TXN: variants seen among roughly 807,000 people sequenced by gnomAD.
The protein encoded by TXN is ADF.
A neutral mutation model predicts 16.5 loss-of-function variants in TXN; 10 were observed. The observed-to-expected ratio is 0.61, with a 90% CI of 0.37 to 1.03. TXN has a LOEUF of 1.03. Among genes scored for constraint, TXN ranks in the 50% least tolerant of loss-of-function variants. The pLI, the probability that TXN is intolerant of heterozygous loss-of-function variation, is 0.01. For missense variants in TXN, 71 were observed against 122.5 expected (o/e 0.58, Z 1.98); for synonymous variants, 35 against 39.4 (o/e 0.89, Z 0.42).
At chr9:110,255,724 C>T (rs1460835087) in intron 1 of TXN, among the ~76,000 whole-genome samples, 1 of 152,222 alleles carries the variant, frequency 6.6e-6, no homozygotes, top group Non-Finnish European at 1.5e-5. Context: ...GCCTCCTGGA[C>T]AGACCTGCAC....
rs1459405689 is a variant in TXN at position 110,246,074 on chromosome 9, TAA to T, written c.190-1233_190-1232del. On this transcript the variant is annotated intron_variant, in intron 3 of 4. Transcript: ENST00000374517. Reference sequence around the variant, plus strand: ...AATGAGACTATCTCGGGAGGAAAAATAAAAAGACTTTGTGAATTCTCAAACCT... The same window carrying T: ...AATGAGACTATCTCGGGAGGAAAAATAAAGACTTTGTGAATTCTCAAACCT... Among the ~76,000 whole-genome samples, 6 of 147,160 alleles carry T rather than the reference TAA, an allele frequency of 4.1e-5. No individual in the cohort carries two copies. In the South Asian group the frequency reaches 1.1e-3, roughly 27 times the overall value.
At chr9:110,245,618 C>CACACACACAA (rs1425530609) in intron 3 of TXN, among the ~76,000 whole-genome samples, 1 of 30,888 alleles carries the variant, frequency 3.2e-5, no homozygotes, top group Admixed American at 7.3e-4. Context: ...CACACACACA[C>CACACACACAA]TATATATATA....
At chr9:110,244,299 T>TATATATATACATATACATATG (rs1837618177) in intron 4 of TXN, 80 bp from the exon 5 acceptor site, 12 of 367,470 alleles carry the variant, frequency 3.3e-5, no homozygotes, top group East Asian at 3.2e-4. Context: ...AAATATGTAT[T>TATATATATACATATACATATG]TATATATATA....
chr9:110,244,298 T>TG (rs1564366815), intron 4 of TXN, 79 bp from the exon 5 acceptor site: 19 of 500,706 alleles, frequency 3.8e-5, no homozygotes, highest in East Asian at 2.5e-4. Flanking sequence ...TAAATATGTA[T>TG]TTATATATAT....
chr9:110,244,775 T>C lies in TXN; in HGVS notation c.255+3A>G, dbSNP rs1212803337. The stretch of plus-strand genomic sequence containing the variant: ...TAGAGTTTTAAAGGTCAGATGTACG[T>C]ACCTTTTGTCCCTTCTTAAAAAACT... On this transcript the variant is annotated splice_donor_region_variant and intron_variant, in intron 4 of 4. Transcript: ENST00000374517. 1 of 1,611,284 alleles carries C rather than the reference T, an allele frequency of 6.2e-7. No individual in the cohort carries two copies. Among genetic ancestry groups the C allele is most frequent in the African/African-American group, 1.3e-5 (1 of 74,880 alleles).
At chr9:110,248,814 T>C (rs1366268526) in intron 3 of TXN, among the ~76,000 whole-genome samples, 2 of 152,188 alleles carry the variant, frequency 1.3e-5, no homozygotes, top group South Asian at 4.2e-4. Flanking sequence ...ATCTGGCACC[T>C]ATTATTGCTT....
At chr9:110,251,901 A>C (rs1837743147) in intron 1 of TXN, among the ~76,000 whole-genome samples, 1 of 152,176 alleles carries the variant, frequency 6.6e-6, no homozygotes, top group East Asian at 1.9e-4. Flanking sequence ...AAGGCATAGG[A>C]TTTTGCAATT....
At chr9:110,255,998 C>T (rs1837804369) in intron 1 of TXN, among the ~76,000 whole-genome samples, 1 of 152,232 alleles carries the variant, frequency 6.6e-6, no homozygotes, top group South Asian at 2.1e-4. Context: ...GGGCGGACCC[C>T]TTCCATTCCC....
At chr9:110,252,143 G>T (rs1006092577) in intron 1 of TXN, among the ~76,000 whole-genome samples, 1 of 148,174 alleles carries the variant, frequency 6.7e-6, no homozygotes, top group Non-Finnish European at 1.5e-5. Flanking sequence ...AGAATAGCTT[G>T]AACTCAGGAG....
At chr9:110,249,296 TAC>T (rs1334072203) in intron 3 of TXN, among the ~76,000 whole-genome samples, 3 of 135,480 alleles carry the variant, frequency 2.2e-5, no homozygotes, top group Non-Finnish European at 1.6e-5. Flanking sequence ...AAAATGCAAT[TAC>T]ACTCTTTTTA....
chr9:110,252,342 A>C (rs559343920), intron 1 of TXN, among the ~76,000 whole-genome samples: 1 of 152,068 alleles, frequency 6.6e-6, no homozygotes, highest in Admixed American at 6.6e-5. Context: ...CCCAAACCTC[A>C]ACACTCAGAC....
rs1482542767 is a variant in TXN, at chr9:110,256,215, C to T, written c.24+197G>A. Among the ~76,000 whole-genome samples the T allele has an allele frequency of 6.6e-6, 1 of 152,072 alleles. No individual in the cohort carries two copies. The highest frequency in any genetic ancestry group is 1.5e-5 in the Non-Finnish European group (1 of 67,988). On this transcript the variant is annotated intron_variant, in intron 1 of 4. Coordinates refer to ENST00000374517, the MANE Select transcript of TXN (RefSeq NM_003329.4). This position sits in a 1 kb window ranked among gnomAD's most constrained non-coding sequence, Gnocchi z 4.2. ...TTCTCCTCCCTTCCTCCAGGGCAGG[C>T]TCCACCGCCTCGGGCGCGCCCAGGC...
At chr9:110,245,652 A>ATTTTTTTTT (rs1277293432) in intron 3 of TXN, among the ~76,000 whole-genome samples, 1 of 23,674 alleles carries the variant, frequency 4.2e-5, no homozygotes, top group African/African-American at 2.0e-4. Flanking sequence ...ATATATATAT[A>ATTTTTTTTT]TATTTTTTTT....
intron 1 of TXN, among the ~76,000 whole-genome samples, chr9:110,255,874 C>T (rs796561647): frequency 1.2e-4 from 18 of 152,322 alleles, no homozygotes; most frequent in African/African-American, 4.1e-4. Context: ...ACCCCCGCTG[C>T]GGGTGGATCA....
rs545602239 is a variant in TXN at position 110,256,311 on chromosome 9, G to GCACCTCCCGCCACCGCCTTCCC, written c.24+79_24+100dup. ...CTGGCGATGCGGAGGGGCGGCCTCC[G>GCACCTCCCGCCACCGCCTTCCC]CACCTCCCGCCACCGCCTTCCCCAC... is the stretch of plus-strand genomic sequence containing the variant. On this transcript the variant is annotated intron_variant, in intron 1 of 4. Coordinates refer to ENST00000374517, the MANE Select transcript of TXN (RefSeq NM_003329.4). The surrounding 1 kb of genome is among the most constrained non-coding windows in gnomAD (Gnocchi z 4.2). 40 of 1,233,518 alleles carry GCACCTCCCGCCACCGCCTTCCC rather than the reference G, an allele frequency of 3.2e-5. No individual in the cohort carries two copies. Among genetic ancestry groups the GCACCTCCCGCCACCGCCTTCCC allele is most frequent in the South Asian group, 1.4e-4 (11 of 77,978 alleles). The allele number at this position is 1,233,518 out of a possible 1,614,324, so 76.4% of individuals were successfully genotyped here.
At chr9:110,254,017 A>G (rs1240634149) in intron 1 of TXN, among the ~76,000 whole-genome samples, 2 of 152,174 alleles carry the variant, frequency 1.3e-5, no homozygotes, top group Non-Finnish European at 2.9e-5. Flanking sequence ...TGCCTTGTAG[A>G]TGGGAGTTCA....
intron 3 of TXN, among the ~76,000 whole-genome samples, chr9:110,245,618 CTATATATATATATATATATATATA>C (rs1170640168): frequency 3.2e-5 from 1 of 30,890 alleles, no homozygotes; most frequent in African/African-American, 1.4e-4. Flanking sequence ...CACACACACA[CTATATATATATATATATATATATA>C]TATATATATA....
chr9:110,245,940 C>G (rs1302859765), intron 3 of TXN, among the ~76,000 whole-genome samples: 1 of 152,020 alleles, frequency 6.6e-6, no homozygotes, highest in Non-Finnish European at 1.5e-5. Context: ...TGGCACACAT[C>G]TGTCATCCCA....
intron 3 of TXN, among the ~76,000 whole-genome samples, chr9:110,250,325 A>G (rs1587923223): frequency 6.6e-6 from 1 of 152,378 alleles, no homozygotes; most frequent in Middle Eastern, 3.4e-3. Flanking sequence ...ATTTCTTCCA[A>G]ATTATTCTCT....
Sources: allele counts gnomAD v4.1 joint callset (sites outside exome capture counted in the v4.1 genomes callset), GRCh38; gene constraint gnomAD v4.1.1; non-coding constraint Gnocchi (gnomAD v3.1); transcripts MANE v1.5; gene names NCBI Gene and HGNC (gene_info 2026-07-23, HGNC 2026-07-21).